Variants in KLHL21 observed in about 807,000 individuals in gnomAD.
The protein encoded by KLHL21 is kelch like family member 21.
Under a neutral mutation model 44.1 loss-of-function variants are expected in KLHL21, and 42 were observed. The observed-to-expected ratio is 0.95, with a 90% CI of 0.74 to 1.23. The LOEUF (loss-of-function observed/expected upper bound fraction) is 1.23. KLHL21 is among the 50% of genes most tolerant of loss of function. The probability of loss-of-function intolerance (pLI) is 0.00; values close to 1 mark genes in which losing one functional copy is unlikely to be tolerated. For missense variants in KLHL21, 918 were observed against 889.1 expected, an observed-to-expected ratio of 1.03 and a Z score of -0.41; for synonymous variants, 524 against 411.6, an observed-to-expected ratio of 1.27 and a Z score of -3.31.
Position 6,602,822 on chromosome 1 carries a change from C to G in KLHL21, c.-5G>C. On this transcript the variant is annotated 5_prime_UTR_variant, in exon 1 of 4. Transcript: ENST00000377658. ...CAGGGGCGCCGGTCGCTCCATGGCG[C>G]CTTCGATAGGTTGTCGAGGACGCCG... 7.0e-7 allele frequency: 1 copy of G among 1,430,456 alleles called. No individual in the cohort carries two copies. Among genetic ancestry groups the G allele is most frequent in the Non-Finnish European group, 9.1e-7 (1 of 1,102,772 alleles). The allele number at this position is 1,430,456 out of a possible 1,614,324, so 88.6% of individuals were successfully genotyped here.
At chr1:6,599,781 ACAGTT>A (rs61197529) in intron 1 of KLHL21, 201 of 291,766 alleles carry the variant, frequency 6.9e-4, no homozygotes, top group African/African-American at 4.2e-3. Context: ...GGGCCTTGGG[ACAGTT>A]CTCCTGGGGA....
Position 6,599,035 on chromosome 1 carries a change from C to T in KLHL21, c.1427+12G>A. 6.4e-7 allele frequency: 1 copy of T among 1,560,982 alleles called. No individual in the cohort carries two copies. The highest frequency in any genetic ancestry group is 8.7e-7 in the Non-Finnish European group (1 of 1,150,602). ...ACCAAACACACAGTGGGGCTCGGCA[C>T]CTGGAACTCACCTGACAAAGTACAT... On this transcript the variant is annotated intron_variant, in intron 2 of 3. Coordinates refer to ENST00000377658, the MANE Select transcript of KLHL21 (RefSeq NM_014851.4).
chr1:6,593,539 C>G lies in KLHL21; in HGVS notation c.1620G>C (p.Trp540Cys). Reference protein sequence around the residue: ...VEAYDPETRAWSVVGRLPEPT... With the variant: ...VEAYDPETRACSVVGRLPEPT... ...GTTCTGGGAGCCGCCCCACCACGCT[C>G]CACGCGCGAGTCTCTGGGTCATAGG... The change falls in exon 4 of 4, where the codon TGG becomes TGC. Residue 540 changes from tryptophan (W) to cysteine (C), a missense_variant. Trp to Cys is a radical substitution (Grantham distance 215). Coordinates refer to ENST00000377658, the MANE Select transcript of KLHL21 (RefSeq NM_014851.4). 1 of 1,613,968 alleles carries G rather than the reference C, an allele frequency of 6.2e-7. No homozygotes were observed.
chr1:6,599,116 C>T lies in KLHL21; in HGVS notation c.1358G>A (p.Cys453Tyr). ...PDTDLWSLVD[C>Y]GQLPPWSFAP... ...GAAGGACCAGGGCGGGAGCTGGCCG[C>T]AGTCCACCAGCGACCACAGGTCGGT... The change falls in exon 2 of 4, where the codon TGC becomes TAC. Residue 453 changes from cysteine to tyrosine, a missense_variant. By Grantham distance (194) the Cys-to-Tyr change is radical (BLOSUM62 -2). Transcript: ENST00000377658. 1 of 1,613,336 alleles carries T rather than the reference C, an allele frequency of 6.2e-7. No homozygotes were observed. The highest frequency in any genetic ancestry group is 8.5e-7 in the Non-Finnish European group (1 of 1,179,720).
chr1:6,590,812 C>G lies in KLHL21; in HGVS notation c.*2553G>C, dbSNP rs1361289171. On this transcript the variant is annotated 3_prime_UTR_variant, in exon 4 of 4. Transcript: ENST00000377658. The stretch of plus-strand genomic sequence containing the variant: ...TGGACATGGAAGCCTACAGAATAGA[C>G]AAAAATAAATATGTCAACCTGCCCG... 2.5e-6 allele frequency: 1 copy of G among 397,388 alleles called. No individual in the cohort carries two copies. Among genetic ancestry groups the G allele is most frequent in the African/African-American group, 2.1e-5 (1 of 48,604 alleles). The allele number at this position is 397,388 out of a possible 1,614,324, so 24.6% of individuals were successfully genotyped here.
At chr1:6,599,805 G>T in intron 1 of KLHL21, 2 of 253,506 alleles carry the variant, frequency 7.9e-6, no homozygotes, top group Admixed American at 5.1e-5. Context: ...GAGCCACAGA[G>T]CTTGTCAGCA....
rs752762621 is a variant in KLHL21 at position 6,602,416 on chromosome 1, G to A, written c.402C>T (p.Asp134=). 5 of 1,596,568 alleles carry A rather than the reference G, an allele frequency of 3.1e-6. No individual in the cohort carries two copies. The highest frequency in any genetic ancestry group is 1.7e-6 in the Non-Finnish European group (2 of 1,175,632). The change falls in exon 1 of 4, where the codon GAC becomes GAT. Residue 134 remains aspartate, a synonymous_variant. Transcript: ENST00000377658. ...CCTGCATGTCCAGGCAGTTGGCCAGGTCGAGCTGCTGCTGCAGGAAGGCCC... is the reference window on the plus strand; with the variant it reads ...CCTGCATGTCCAGGCAGTTGGCCAGATCGAGCTGCTGCTGCAGGAAGGCCC... ...ACGAFLQQQL[D]LANCLDMQDF... is the part of the protein sequence containing the mutation.
chr1:6,597,166 T>C (rs890779258), intron 2 of KLHL21, among the ~76,000 whole-genome samples: 6 of 152,094 alleles, frequency 3.9e-5, no homozygotes, highest in Non-Finnish European at 7.4e-5. Context: ...TCCAGAGCAC[T>C]GCCTCCTCCC....
In KLHL21 at chr1:6,602,403, G is replaced by C. The variant is rs1279091806; in HGVS notation, c.415C>G (p.Leu139Val). The change falls in exon 1 of 4, where the codon CTG becomes GTG. Residue 139 changes from leucine (L) to valine (V), a missense_variant. Coordinates refer to ENST00000377658, the MANE Select transcript of KLHL21 (RefSeq NM_014851.4). Reference protein sequence around the residue: ...LQQQLDLANCLDMQDFAEAFS... With the variant: ...LQQQLDLANCVDMQDFAEAFS... ...GCCTCAGCGAAGTCCTGCATGTCCA[G>C]GCAGTTGGCCAGGTCGAGCTGCTGC... 6.9e-6 allele frequency: 11 copies of C among 1,596,452 alleles called. No individual in the cohort carries two copies. In the East Asian group the frequency reaches 2.3e-4, roughly 33 times the overall value.
intron 1 of KLHL21, among the ~76,000 whole-genome samples, chr1:6,600,135 T>A (rs565064524): frequency 6.6e-6 from 1 of 152,170 alleles, no homozygotes; most frequent in South Asian, 2.1e-4. Flanking sequence ...AACCTCCACC[T>A]CCTGGGCTCA....
intron 1 of KLHL21, among the ~76,000 whole-genome samples, chr1:6,601,342 G>T (rs1570204052): frequency 6.6e-6 from 1 of 152,218 alleles, no homozygotes; most frequent in Admixed American, 6.5e-5. Flanking sequence ...TTGTCACCGG[G>T]TGACAAAGAG....
rs568445798 is a variant in KLHL21 at position 6,597,098 on chromosome 1, C to T, written c.1428-1541G>A. ...AGCTTCCACTCAGGCTGAGCCTGGG[C>T]GCCCCTCCTCTGTGCTCCGGCACAG... On this transcript the variant is annotated intron_variant, in intron 2 of 3. Coordinates refer to ENST00000377658, the MANE Select transcript of KLHL21 (RefSeq NM_014851.4). Among the ~76,000 whole-genome samples the T allele has an allele frequency of 5.6e-4, 85 of 152,364 alleles. 1 individual carries two copies. Among genetic ancestry groups the T allele is most frequent in the African/African-American group, 1.8e-3 (76 of 41,598 alleles).
Position 6,592,144 on chromosome 1 carries a change from T to A in KLHL21, c.*1221A>T, listed in dbSNP as rs535586026. ...CGCCATCTGGCCAGCACAAGGGACT[T>A]AAGTGCAATCTGCTAAGTGACAGTG... On this transcript the variant is annotated 3_prime_UTR_variant, in exon 4 of 4. Coordinates refer to ENST00000377658, the MANE Select transcript of KLHL21 (RefSeq NM_014851.4). 1.3e-5 allele frequency: 2 copies of A among 152,366 alleles called. No homozygotes were observed. Among genetic ancestry groups the A allele is most frequent in the South Asian group, 2.1e-4 (1 of 4,834 alleles). The allele number at this position is 152,366 out of a possible 1,614,324, so 9.4% of individuals were successfully genotyped here.
chr1:6,597,562 TGTG>T (rs59755646), intron 2 of KLHL21, among the ~76,000 whole-genome samples: 4,634 of 152,330 alleles, frequency 0.03, 211 homozygotes, highest in African/African-American at 0.099. Flanking sequence ...GTTCTGGGCA[TGTG>T]GTGGTGCCCA....
intron 3 of KLHL21, chr1:6,595,268 C>G: frequency 1.5e-6 from 1 of 646,438 alleles, no homozygotes; most frequent in Non-Finnish European, 2.9e-6. Context: ...ATAAACACTG[C>G]TCAAATGTGT....
In KLHL21 at chr1:6,602,713, C is replaced by A; in HGVS notation, c.105G>T (p.Leu35=). 1 of 1,514,000 alleles carries A rather than the reference C, an allele frequency of 6.6e-7. No individual in the cohort carries two copies. The highest frequency in any genetic ancestry group is 1.2e-5 in the South Asian group (1 of 81,918). 93.8% of individuals were successfully genotyped at this position (1,514,000 alleles called of 1,614,324 possible). A position where few individuals can be genotyped will look rare whatever the true frequency, so the allele number is the denominator to read the frequency against. ...LSQLRAERKF[L]DVTLEAAGGR... ...CGCCCGCCGCCTCCAGGGTCACGTC[C>A]AGGAACTTGCGCTCGGCGCGCAGCT... The change falls in exon 1 of 4, where the codon CTG becomes CTT. Residue 35 remains leucine (L), a synonymous_variant. Transcript: ENST00000377658.
In KLHL21 at chr1:6,595,355, C is replaced by T. The variant is rs536708078; in HGVS notation, c.1500+130G>A. The T allele has an allele frequency of 8.5e-5, 69 of 813,046 alleles. No homozygotes were observed. In the South Asian group the frequency reaches 8.6e-4, roughly 10 times the overall value. The allele number at this position is 813,046 out of a possible 1,614,324, so 50.4% of individuals were successfully genotyped here. On this transcript the variant is annotated intron_variant, in intron 3 of 3. Coordinates refer to ENST00000377658, the MANE Select transcript of KLHL21 (RefSeq NM_014851.4). The stretch of plus-strand genomic sequence containing the variant: ...CTTAAGTGCAAAATAAGGGTAAGAG[C>T]AGCCTTCTATTAATTGAGATGAGAC...
intron 1 of KLHL21, 59 bp downstream of exon 1, chr1:6,601,738 G>A (rs1034075696): frequency 2.0e-6 from 3 of 1,472,154 alleles, no homozygotes; most frequent in Non-Finnish European, 2.7e-6. Flanking sequence ...CGAATAGCTG[G>A]GCTCCCGTAC....
chr1:6,602,046 G>A lies in KLHL21; in HGVS notation c.772C>T (p.Arg258Cys). 1 of 1,523,500 alleles carries A rather than the reference G, an allele frequency of 6.6e-7. No homozygotes were observed. The highest frequency in any genetic ancestry group is 1.2e-5 in the South Asian group (1 of 81,336). 94.4% of individuals were successfully genotyped at this position (1,523,500 alleles called of 1,614,324 possible). The change falls in exon 1 of 4, where the codon CGC (arginine) becomes TGC (cysteine). Residue 258 changes from arginine (R) to cysteine (C), a missense_variant. Arg to Cys is a radical substitution (Grantham distance 180). Transcript: ENST00000377658. ...PPCLRLLREARDFQAARYDRH... is the reference protein window; with the variant it reads ...PPCLRLLREACDFQAARYDRH... Reference sequence around the variant, plus strand: ...TCGTAGCGCGCCGCCTGGAAGTCGCGCGCCTCGCGCAGCAGGCGCAGGCAG... The same window carrying A: ...TCGTAGCGCGCCGCCTGGAAGTCGCACGCCTCGCGCAGCAGGCGCAGGCAG...
Sources: allele counts gnomAD v4.1 joint callset (sites outside exome capture counted in the v4.1 genomes callset), GRCh38; gene constraint gnomAD v4.1.1; transcripts MANE v1.5; gene names NCBI Gene and HGNC (gene_info 2026-07-23, HGNC 2026-07-21).